Variants in UBN2 observed in about 807,000 individuals in gnomAD.
The protein encoded by UBN2 is ubinuclein-2.
A neutral mutation model predicts 120.2 loss-of-function variants in UBN2; 35 were observed. The ratio of observed to expected loss-of-function variants is 0.29; its 90% CI spans 0.22 to 0.39. The LOEUF (loss-of-function observed/expected upper bound fraction) is 0.39, where lower values mean the gene tolerates loss of function less well. Among genes scored for constraint, UBN2 ranks in the 10% least tolerant of loss-of-function variants. The pLI is 1.00. For synonymous variants in UBN2, 661 were observed against 648.7 expected, an observed-to-expected ratio of 1.02 and a Z score of -0.29; for missense variants, 1,693 against 1,663.2, an observed-to-expected ratio of 1.02 and a Z score of -0.31.
chr7:139,282,192 A>G, intron 14 of UBN2, 137 bp downstream of exon 14: 1 of 601,180 alleles, frequency 1.7e-6, no homozygotes, highest in Non-Finnish European at 2.9e-6. Context: ...TAAAAATAAA[A>G]TGAGTCAAAT....
At position 139,299,089 on chromosome 7, in the gene UBN2, C is replaced by G. The variant is rs1262985025; in HGVS notation, c.*1253C>G. 3 of 152,108 alleles carry G rather than the reference C, an allele frequency of 2.0e-5. No homozygotes were observed. The highest frequency in any genetic ancestry group is 7.2e-5 in the African/African-American group (3 of 41,424). 9.4% of individuals were successfully genotyped at this position (152,108 alleles called of 1,614,324 possible). ...GAGTAAATCTGCAGAAAATAAGACT[C>G]CTTAGTTATTATAGCTTCCTTATGC... On this transcript the variant is annotated 3_prime_UTR_variant, in exon 18 of 18. Coordinates refer to ENST00000473989, the MANE Select transcript of UBN2 (RefSeq NM_173569.4).
intron 15 of UBN2, among the ~76,000 whole-genome samples, chr7:139,288,723 G>T (rs1017589828): frequency 3.3e-5 from 5 of 152,086 alleles, no homozygotes; most frequent in African/African-American, 7.2e-5. Context: ...TTTAATTGCG[G>T]CCGGTCGTGG....
chr7:139,237,995 AT>A (rs1796212409), intron 2 of UBN2, among the ~76,000 whole-genome samples: 2 of 152,200 alleles, frequency 1.3e-5, no homozygotes, highest in African/African-American at 4.8e-5. Flanking sequence ...TACAAAAACA[AT>A]TTTTAATTAC....
rs560979968 is a variant in UBN2, at chr7:139,286,325, A to G, written c.3669+1751A>G. On this transcript the variant is annotated intron_variant, in intron 15 of 17. Transcript: ENST00000473989. ...GTGATCTGCCCGCTTCCGCCTCCCA[A>G]AGTCCTGGGATTACAGGCATGAGTC... Among the ~76,000 whole-genome samples, 292 of 152,222 alleles carry G rather than the reference A, an allele frequency of 1.9e-3. 3 individuals carry two copies. The highest frequency in any genetic ancestry group is 6.9e-3 in the African/African-American group (287 of 41,548).
intron 3 of UBN2, among the ~76,000 whole-genome samples, chr7:139,256,817 GT>G (rs1323610566): frequency 2.0e-5 from 3 of 152,034 alleles, no homozygotes; most frequent in Non-Finnish European, 4.4e-5. Flanking sequence ...TAAGAAAGTA[GT>G]TTTTTTCTTT....
intron 5 of UBN2, among the ~76,000 whole-genome samples, chr7:139,260,143 G>C (rs768226497): frequency 3.3e-5 from 5 of 151,334 alleles, no homozygotes; most frequent in Non-Finnish European, 5.9e-5. Context: ...ATGTCACCCA[G>C]GCTGGAGTGC....
At chr7:139,330,340 T>C in the UBN2 span, among the ~76,000 whole-genome samples, 3 of 152,252 alleles carry the variant, frequency 2.0e-5, no homozygotes, top group Non-Finnish European at 4.4e-5. Context: ...TTTTAAGTGT[T>C]AAGTATGTTT....
At chr7:139,316,110 G>A in the UBN2 span, among the ~76,000 whole-genome samples, 112,818 of 113,338 alleles carry the variant, frequency 1, 56,191 homozygotes, top group Middle Eastern at 1. Flanking sequence ...AAAAAAAAGG[G>A]GTTCCAGTTC....
In UBN2 at chr7:139,284,343, C is replaced by G. The variant is rs765983896; in HGVS notation, c.3438C>G (p.Pro1146=). The G allele has an allele frequency of 1.9e-6, 3 of 1,614,184 alleles. No individual in the cohort carries two copies. The African/African-American group carries it at 4.0e-5, about 22-fold the overall frequency. ...GLPPTKNLQA[P]SKLTNSSSTG... The stretch of plus-strand genomic sequence containing the variant: ...CACCTACAAAAAATCTTCAGGCCCC[C>G]TCAAAGCTAACAAACTCATCATCCA... Residue 1146 remains proline, a synonymous_variant, in exon 15 of 18, where the codon CCC becomes CCG. Transcript: ENST00000473989.
chr7:139,271,988 A>G (rs1017447456), intron 8 of UBN2, among the ~76,000 whole-genome samples: 6 of 152,200 alleles, frequency 3.9e-5, no homozygotes, highest in Admixed American at 3.3e-4. Flanking sequence ...GTAGTAGTCT[A>G]TACAAGTAGA....
At chr7:139,250,643 A>G (rs1265816528) in intron 2 of UBN2, among the ~76,000 whole-genome samples, 1 of 152,138 alleles carries the variant, frequency 6.6e-6, no homozygotes, top group African/African-American at 2.4e-5. Flanking sequence ...TTCCCCCAGT[A>G]GTAATATCTT....
chr7:139,292,653 T>A (rs969279024), intron 15 of UBN2, among the ~76,000 whole-genome samples: 1 of 152,132 alleles, frequency 6.6e-6, no homozygotes, highest in East Asian at 1.9e-4. Flanking sequence ...AATAAGTTTC[T>A]GTATATGAGA....
chr7:139,293,845 A>G (rs376716451), intron 16 of UBN2, 44 bp from the exon 17 acceptor site: 3 of 1,586,814 alleles, frequency 1.9e-6, no homozygotes, highest in Non-Finnish European at 1.7e-6. Flanking sequence ...AAAAGGGCTC[A>G]AATCTGGATT....
intron 6 of UBN2, among the ~76,000 whole-genome samples, chr7:139,264,504 G>A (rs552625235): frequency 6.6e-5 from 10 of 152,142 alleles, no homozygotes; most frequent in African/African-American, 4.8e-5. Context: ...TTGTCTGCTC[G>A]TAGAAGTCTG....
At chr7:139,292,229 G>A (rs953514569) in intron 15 of UBN2, among the ~76,000 whole-genome samples, 3 of 152,142 alleles carry the variant, frequency 2.0e-5, no homozygotes, top group Admixed American at 1.3e-4. Flanking sequence ...GCACTCCAGC[G>A]TGGGCAACAG....
At position 139,259,373 on chromosome 7, in the gene UBN2, A is replaced by G; in HGVS notation, c.905+3A>G. On this transcript the variant is annotated splice_donor_region_variant and intron_variant, in intron 5 of 17. Transcript: ENST00000473989. ...AAAAAAGTTCCCAAACAACTGGGGT[A>G]CGTTAAATTAAACCTAAGAAGGGAA... 6.2e-7 allele frequency: 1 copy of G among 1,613,096 alleles called. No individual in the cohort carries two copies.
rs1013527618 is a variant in UBN2 at position 139,299,412 on chromosome 7, T to C, written c.*1576T>C. On this transcript the variant is annotated 3_prime_UTR_variant, in exon 18 of 18. Coordinates refer to ENST00000473989, the MANE Select transcript of UBN2 (RefSeq NM_173569.4). ...AGTATTAACCAGGCCCTTTTTTCTTTTATACACAAAAGTCCCAGATACCCT... is the reference window on the plus strand; with the variant it reads ...AGTATTAACCAGGCCCTTTTTTCTTCTATACACAAAAGTCCCAGATACCCT... 3 of 152,180 alleles carry C rather than the reference T, an allele frequency of 2.0e-5. No individual in the cohort carries two copies. The highest frequency in any genetic ancestry group is 4.4e-5 in the Non-Finnish European group (3 of 68,020). The allele number at this position is 152,180 out of a possible 1,614,324, so 9.4% of individuals were successfully genotyped here.
Position 139,283,431 on chromosome 7 carries a change from G to T in UBN2, c.2526G>T (p.Lys842Asn). 6.2e-7 allele frequency: 1 copy of T among 1,614,074 alleles called. No homozygotes were observed. Among genetic ancestry groups the T allele is most frequent in the East Asian group, 2.2e-5 (1 of 44,882 alleles). ...CTGGTCACACAGGGCCAGTACCAAA[G>T]AAACCCCAGGATTTAGCTCATACTG... ...LIAGHTGPVP[K>N]KPQDLAHTGI... is the part of the protein sequence containing the mutation. Residue 842 changes from lysine (K) to asparagine (N), a missense_variant, in exon 15 of 18, where the codon AAG (lysine) becomes AAT (asparagine). Physicochemically the swap from Lys to Asn is moderately conservative, Grantham distance 94 (BLOSUM62 0). Around this residue, in one of 5 missense-constraint regions of UBN2, gnomAD observed 837 missense variants for 817.6 expected, o/e 1.02. Transcript: ENST00000473989.
rs188782984 is a variant in UBN2 at position 139,244,562 on chromosome 7, A to G, written c.562-7394A>G. On this transcript the variant is annotated intron_variant, in intron 2 of 17. Transcript: ENST00000473989. ...CATGAATATGTTCCTTTTATTAAAA[A>G]CAAATTCAAATAATACATATTACAT... 1.3e-3 allele frequency among the ~76,000 whole-genome samples: 203 copies of G among 152,254 alleles called. 1 individual carries two copies. Among genetic ancestry groups the G allele is most frequent in the African/African-American group, 4.6e-3 (191 of 41,542 alleles).
Sources: allele counts gnomAD v4.1 joint callset (sites outside exome capture counted in the v4.1 genomes callset), GRCh38; gene constraint gnomAD v4.1.1; regional missense constraint gnomAD v4.1.1; transcripts MANE v1.5; gene names NCBI Gene and HGNC (gene_info 2026-07-23, HGNC 2026-07-21).